Variants in OPCML observed in about 807,000 individuals in gnomAD.
OPCML encodes the protein opioid-binding protein/cell adhesion molecule.
A neutral mutation model predicts 37.8 loss-of-function variants in OPCML; 13 were observed. That is an observed-to-expected ratio of 0.34 (90% CI 0.22 to 0.55). The LOEUF (loss-of-function observed/expected upper bound fraction) is 0.55, where lower values mean the gene tolerates loss of function less well. Ranked by LOEUF, OPCML falls within the 20% of genes least tolerant of loss-of-function variation. The pLI is 0.91. For synonymous variants in OPCML, 176 were observed against 168.8 expected (o/e 1.04, Z -0.33); for missense variants, 341 against 435.6 (o/e 0.78, Z 1.93).
At chr11:133,204,882 A>ATGTGTGTG (rs1555114199) in intron 1 of OPCML, among the ~76,000 whole-genome samples, 3 of 30,218 alleles carry the variant, frequency 9.9e-5, no homozygotes, top group African/African-American at 3.8e-4. Context: ...ATATATATAT[A>ATGTGTGTG]TATATATATA....
At chr11:133,176,268 G>T (rs1194180335) in intron 1 of OPCML, among the ~76,000 whole-genome samples, 1 of 151,538 alleles carries the variant, frequency 6.6e-6, no homozygotes, top group Non-Finnish European at 1.5e-5. Context: ...TGCAAACCTG[G>T]AATTGAATGC....
intron 2 of OPCML, among the ~76,000 whole-genome samples, chr11:132,685,371 A>G (rs1272561432): frequency 6.6e-6 from 1 of 152,234 alleles, no homozygotes; most frequent in Non-Finnish European, 1.5e-5. Flanking sequence ...TTCTTTGGAA[A>G]TTAATCAGAA....
intron 1 of OPCML, among the ~76,000 whole-genome samples, chr11:133,381,212 T>C (rs1944921471): frequency 6.6e-6 from 1 of 152,102 alleles, no homozygotes; most frequent in South Asian, 2.1e-4. Flanking sequence ...TTTGCAGTGA[T>C]GCAAAAGAGA....
At chr11:132,841,210 C>T (rs558372569) in intron 2 of OPCML, among the ~76,000 whole-genome samples, 1 of 152,278 alleles carries the variant, frequency 6.6e-6, no homozygotes, top group Non-Finnish European at 1.5e-5. Context: ...AGAGTACTCC[C>T]CACAACCCGA....
rs142885930 is a variant in OPCML at position 132,831,921 on chromosome 11, C to G, written c.146+111005G>C. Among the ~76,000 whole-genome samples, 425 of 152,060 alleles carry G rather than the reference C, an allele frequency of 2.8e-3. 3 individuals carry two copies. The highest frequency in any genetic ancestry group is 9.8e-3 in the African/African-American group (405 of 41,462). ...TTTCCCAGTGCACCTCCTGTCTTCC[C>G]TCTTCATTTTCCTTCTTTTGCTGTC... On this transcript the variant is annotated intron_variant, in intron 2 of 7. Transcript: ENST00000524381.
chr11:133,011,143 T>C (rs903656296), intron 1 of OPCML, among the ~76,000 whole-genome samples: 1 of 152,188 alleles, frequency 6.6e-6, no homozygotes, highest in African/African-American at 2.4e-5. Flanking sequence ...GACAAGAATA[T>C]TCAACAGAGA....
intron 2 of OPCML, among the ~76,000 whole-genome samples, chr11:132,849,838 G>A (rs771686279): frequency 5.9e-5 from 9 of 152,148 alleles, no homozygotes; most frequent in East Asian, 1.9e-4. Context: ...GCCACACACC[G>A]GGCAGGCATT....
chr11:133,314,735 G>C (rs2136604540), intron 1 of OPCML, among the ~76,000 whole-genome samples: 1 of 152,248 alleles, frequency 6.6e-6, no homozygotes, highest in African/African-American at 2.4e-5. Context: ...AGGCACGCCT[G>C]GCCAGGACGC....
intron 1 of OPCML, among the ~76,000 whole-genome samples, chr11:133,499,991 C>A (rs1161027656): frequency 6.6e-6 from 1 of 150,942 alleles, no homozygotes; most frequent in Non-Finnish European, 1.5e-5. Flanking sequence ...CCTGCCTCAG[C>A]CTCCCAAGTA....
chr11:132,715,313 A>T (rs776269235), intron 2 of OPCML, among the ~76,000 whole-genome samples: 7 of 152,236 alleles, frequency 4.6e-5, no homozygotes, highest in Non-Finnish European at 8.8e-5. Context: ...AGATATACAG[A>T]TGAGTAATGC....
intron 1 of OPCML, among the ~76,000 whole-genome samples, chr11:133,047,098 C>G (rs1194277599): frequency 6.6e-6 from 1 of 152,206 alleles, no homozygotes; most frequent in East Asian, 1.9e-4. Context: ...TCTTGCATTT[C>G]CATCACACAG....
intron 1 of OPCML, among the ~76,000 whole-genome samples, chr11:133,485,386 C>T (rs1947504905): frequency 1.3e-5 from 2 of 152,020 alleles, no homozygotes. Flanking sequence ...TTTTTAATGT[C>T]CTGAATGAAC....
chr11:133,467,130 A>G (rs960693882), intron 1 of OPCML, among the ~76,000 whole-genome samples: 14 of 152,192 alleles, frequency 9.2e-5, no homozygotes, highest in African/African-American at 3.1e-4. Flanking sequence ...GGGACATTCA[A>G]GGGGCATTCC....
rs1565621155 is a variant in OPCML at position 133,413,484 on chromosome 11, A to AAAT, written c.61+118779_61+118780insATT. Among the ~76,000 whole-genome samples the AAAT allele has an allele frequency of 1.1e-3, 159 of 149,828 alleles. 3 individuals are homozygous for AAAT. The East Asian group carries it at 0.013, about 12-fold the overall frequency. ...CCTAAAACTTAAAGTATAATAATAA[A>AAAT]AAATAAATAAATAAATAAATATATA... On this transcript the variant is annotated intron_variant, in intron 1 of 7. Transcript: ENST00000524381.
At chr11:133,313,032 A>G (rs1310367574) in intron 1 of OPCML, among the ~76,000 whole-genome samples, 1 of 152,222 alleles carries the variant, frequency 6.6e-6, no homozygotes, top group East Asian at 1.9e-4. Context: ...TGACATAGTG[A>G]CTTCCGTGCA....
At position 132,998,424 on chromosome 11, in the gene OPCML, C is replaced by T. The variant is rs2336591; in HGVS notation, c.62-55414G>A. Among the ~76,000 whole-genome samples the T allele has an allele frequency of 9.3e-3, 1,416 of 152,240 alleles. 27 individuals carry two copies. Among genetic ancestry groups the T allele is most frequent in the African/African-American group, 0.033 (1,360 of 41,538 alleles). ...GGCTACTCTGGGCCTACTCATGCTC[C>T]AATCCCCTCCCCTGTGGGAAGTTTT... On this transcript the variant is annotated intron_variant, in intron 1 of 7. Coordinates refer to ENST00000524381, the MANE Select transcript of OPCML (RefSeq NM_001012393.5).
At chr11:132,825,140 C>A (rs918182622) in intron 2 of OPCML, among the ~76,000 whole-genome samples, 2 of 152,204 alleles carry the variant, frequency 1.3e-5, no homozygotes, top group Admixed American at 6.5e-5. Flanking sequence ...TCATGAACCT[C>A]ATGATGGTAG....
chr11:132,732,785 T>A (rs1945122440), intron 2 of OPCML, among the ~76,000 whole-genome samples: 1 of 150,086 alleles, frequency 6.7e-6, no homozygotes, highest in African/African-American at 2.5e-5. Flanking sequence ...AGAAAAGTCT[T>A]GAATGACACA....
intron 1 of OPCML, among the ~76,000 whole-genome samples, chr11:133,235,468 A>G (rs1489405664): frequency 6.6e-6 from 1 of 152,224 alleles, no homozygotes; most frequent in Non-Finnish European, 1.5e-5. Flanking sequence ...GGAGAAGGGA[A>G]GGGAAGAAAA....
Sources: allele counts gnomAD v4.1 joint callset (sites outside exome capture counted in the v4.1 genomes callset), GRCh38; gene constraint gnomAD v4.1.1; transcripts MANE v1.5; gene names NCBI Gene and HGNC (gene_info 2026-07-23, HGNC 2026-07-21).